Variants in GNB1L observed in about 807,000 individuals in gnomAD.
The protein encoded by GNB1L is G protein subunit beta 1 like.
Under a neutral mutation model 29.1 loss-of-function variants are expected in GNB1L, and 20 were observed. That is an observed-to-expected ratio of 0.69 (90% CI 0.48 to 1.00). The LOEUF (loss-of-function observed/expected upper bound fraction) is 1.00. GNB1L is among the 50% of genes least tolerant of loss of function. The probability of loss-of-function intolerance (pLI) is 0.00; values close to 1 mark genes in which losing one functional copy is unlikely to be tolerated. For synonymous variants in GNB1L, 193 were observed against 206.5 expected (o/e 0.93, Z 0.56); for missense variants, 421 against 464.9 (o/e 0.91, Z 0.87).
At chr22:19,854,771 C>T (rs922807935) in intron 1 of GNB1L, 49 bp downstream of exon 1, 16 of 152,360 alleles carry the variant, frequency 1.1e-4, no homozygotes, top group African/African-American at 3.9e-4. Flanking sequence ...TCCAGGCCCG[C>T]GTGCACGGAG....
chr22:19,827,499 A>G (rs1263072299), intron 2 of GNB1L, among the ~76,000 whole-genome samples: 2 of 152,256 alleles, frequency 1.3e-5, no homozygotes, highest in Non-Finnish European at 2.9e-5. Flanking sequence ...ACAGAGGTCA[A>G]CAGAATACAA....
At chr22:19,804,175 G>C (rs1358459582) in intron 6 of GNB1L, among the ~76,000 whole-genome samples, 1 of 152,272 alleles carries the variant, frequency 6.6e-6, no homozygotes, top group African/African-American at 2.4e-5. Context: ...CTTGTGGCTG[G>C]AGCACTTCGG....
chr22:19,841,469 C>T (rs1569054204), intron 2 of GNB1L, among the ~76,000 whole-genome samples: 2 of 152,008 alleles, frequency 1.3e-5, no homozygotes, highest in Non-Finnish European at 2.9e-5. Flanking sequence ...TCTCTACAAA[C>T]AAATAATTTA....
intron 2 of GNB1L, chr22:19,846,358 G>T (rs1937960431): frequency 2.0e-5 from 19 of 944,914 alleles, no homozygotes; most frequent in African/African-American, 3.5e-5. Context: ...GGTAGGGAAA[G>T]ATTTCTTAAG....
chr22:19,818,305 A>C (rs1937550333), intron 4 of GNB1L, among the ~76,000 whole-genome samples: 1 of 152,266 alleles, frequency 6.6e-6, no homozygotes, highest in Non-Finnish European at 1.5e-5. Flanking sequence ...CAAGGGCTAC[A>C]TTGTGGCTGA....
chr22:19,792,717 A>G (rs1937265391), intron 7 of GNB1L: 3 of 1,497,972 alleles, frequency 2.0e-6, no homozygotes, highest in South Asian at 1.2e-5. Context: ...AGGAGTTAAC[A>G]TCGTCACCAC....
At position 19,806,707 on chromosome 22, in the gene GNB1L, C is replaced by T. The variant is rs765510974; in HGVS notation, c.468G>A (p.Pro156=). ...PSKTSVCALK[P]KADAKLGMPM... is the part of the protein sequence containing the mutation. ...GCATGCCCAGCTTGGCATCTGCCTTCGGCTTCAGGGCGCACACTGACGTCT... is the reference window on the plus strand; with the variant it reads ...GCATGCCCAGCTTGGCATCTGCCTTTGGCTTCAGGGCGCACACTGACGTCT... The change falls in exon 6 of 8, where the codon CCG becomes CCA. Residue 156 remains proline, a synonymous_variant. Coordinates refer to ENST00000329517, the MANE Select transcript of GNB1L (RefSeq NM_053004.3). The T allele has an allele frequency of 4.3e-6, 7 of 1,613,554 alleles. No individual in the cohort carries two copies. The Admixed American group carries it at 6.7e-5, about 15-fold the overall frequency.
chr22:19,801,687 T>C (rs1157069065), intron 7 of GNB1L, among the ~76,000 whole-genome samples: 1 of 151,656 alleles, frequency 6.6e-6, no homozygotes, highest in African/African-American at 2.4e-5. Flanking sequence ...ATCAGTTCCT[T>C]ACTGACCAAA....
intron 2 of GNB1L, chr22:19,850,958 G>C (rs1180353828): frequency 1.5e-6 from 2 of 1,376,462 alleles, no homozygotes; most frequent in Non-Finnish European, 1.9e-6. Context: ...CAGCAGCAGG[G>C]AAAGGGCACA....
At chr22:19,790,292 T>A (rs1937239215) in intron 7 of GNB1L, among the ~76,000 whole-genome samples, 1 of 152,246 alleles carries the variant, frequency 6.6e-6, no homozygotes, top group Admixed American at 6.5e-5. Context: ...CACAGAAATA[T>A]GGGAGGCACT....
rs1271899414 is a variant in GNB1L, at chr22:19,783,357, T to C, written c.*5352A>G. 2.7e-6 allele frequency: 1 copy of C among 364,706 alleles called. No homozygotes were observed. Among genetic ancestry groups the C allele is most frequent in the African/African-American group, 2.1e-5 (1 of 47,278 alleles). 22.6% of individuals were successfully genotyped at this position (364,706 alleles called of 1,614,324 possible). ...GGAGGTCAAGTGTGCATGCAAGAGG[T>C]GGCAGGGGACAGATGTGCTGCTGTT... On this transcript the variant is annotated 3_prime_UTR_variant, in exon 8 of 8. Transcript: ENST00000329517.
chr22:19,798,972 C>T (rs371798368), intron 7 of GNB1L, among the ~76,000 whole-genome samples: 267 of 152,244 alleles, frequency 1.8e-3, no homozygotes, highest in African/African-American at 5.9e-3. Flanking sequence ...ATGCGATGCA[C>T]GGGGAGCTGA....
intron 2 of GNB1L, among the ~76,000 whole-genome samples, chr22:19,822,492 C>T (rs1313601404): frequency 6.6e-6 from 1 of 152,194 alleles, no homozygotes; most frequent in Admixed American, 6.5e-5. Flanking sequence ...GAGCCAGAAG[C>T]GACCAGCTCC....
intron 2 of GNB1L, among the ~76,000 whole-genome samples, chr22:19,826,583 T>C (rs1937621220): frequency 6.6e-6 from 1 of 152,172 alleles, no homozygotes; most frequent in Admixed American, 6.5e-5. Context: ...TGAAACATCA[T>C]CACACAGATC....
chr22:19,820,789 CCTGGAGGCCACAT>C, intron 3 of GNB1L, 66 bp from the exon 4 acceptor site: 1 of 1,540,768 alleles, frequency 6.5e-7, no homozygotes, highest in Non-Finnish European at 8.8e-7. Flanking sequence ...CTGGGGCCAG[CCTGGAGGCCACAT>C]TGTGGGATGC....
intron 2 of GNB1L, chr22:19,851,488 C>A (rs1209713211): frequency 8.1e-6 from 13 of 1,614,136 alleles, no homozygotes; most frequent in Non-Finnish European, 1.1e-5. Context: ...CCTTGGTCAG[C>A]TGCTGCTCGA....
At chr22:19,851,902 C>G (rs756686301) in intron 2 of GNB1L, 1 of 1,614,128 alleles carries the variant, frequency 6.2e-7, no homozygotes, top group South Asian at 1.1e-5. Flanking sequence ...AATCGCCCAG[C>G]TGGGCCAAGA....
intron 2 of GNB1L, among the ~76,000 whole-genome samples, chr22:19,832,577 G>A (rs1199087728): frequency 6.6e-6 from 1 of 152,142 alleles, no homozygotes; most frequent in Non-Finnish European, 1.5e-5. Flanking sequence ...AGAAAAAGGT[G>A]CGCTACGGCC....
At chr22:19,798,051 TCA>T (rs1454765534) in intron 7 of GNB1L, among the ~76,000 whole-genome samples, 2 of 152,138 alleles carry the variant, frequency 1.3e-5, no homozygotes, top group Non-Finnish European at 2.9e-5. Context: ...CAGGCTGGCC[TCA>T]GTGTCCAGAG....
Sources: allele counts gnomAD v4.1 joint callset (sites outside exome capture counted in the v4.1 genomes callset), GRCh38; gene constraint gnomAD v4.1.1; transcripts MANE v1.5; gene names NCBI Gene and HGNC (gene_info 2026-07-23, HGNC 2026-07-21).